Variants in CUX1 observed in about 807,000 individuals in gnomAD.
CUX1 encodes protein CASP.
Under a neutral mutation model 158.8 loss-of-function variants are expected in CUX1, and 31 were observed. That is an observed-to-expected ratio of 0.20 (90% CI 0.15 to 0.26). The LOEUF (loss-of-function observed/expected upper bound fraction) is 0.26, where lower values mean the gene tolerates loss of function less well. Ranked by LOEUF, CUX1 falls within the 10% of genes least tolerant of loss-of-function variation. CUX1 has a pLI of 1.00. For synonymous variants in CUX1, 879 were observed against 862.1 expected, an observed-to-expected ratio of 1.02 and a Z score of -0.34; for missense variants, 1,589 against 2,014.6, an observed-to-expected ratio of 0.79 and a Z score of 4.04.
At chr7:102,152,837 A>C (rs1357539215) in intron 8 of CUX1, among the ~76,000 whole-genome samples, 2 of 152,216 alleles carry the variant, frequency 1.3e-5, no homozygotes, top group Non-Finnish European at 2.9e-5. Context: ...CCTGGTATGG[A>C]ATAGGCCTGC....
chr7:102,215,539 T>G (rs1301503003), intron 20 of CUX1, among the ~76,000 whole-genome samples: 1 of 152,188 alleles, frequency 6.6e-6, no homozygotes, highest in Non-Finnish European at 1.5e-5. Flanking sequence ...TAAATTACTT[T>G]TACTGACTGT....
intron 1 of CUX1, among the ~76,000 whole-genome samples, chr7:101,888,376 A>G (rs1295769633): frequency 6.6e-6 from 1 of 152,166 alleles, no homozygotes; most frequent in African/African-American, 2.4e-5. Context: ...CTTGTACCTG[A>G]CACTGTGCTT....
chr7:102,139,244 TAAAAAAAAA>T (rs11459794), intron 8 of CUX1, among the ~76,000 whole-genome samples: 4 of 93,172 alleles, frequency 4.3e-5, no homozygotes, highest in Non-Finnish European at 8.2e-5. Flanking sequence ...GACTACATCT[TAAAAAAAAA>T]AAAAAAAAAA....
At chr7:102,106,454 C>A (rs966545079) in intron 6 of CUX1, among the ~76,000 whole-genome samples, 8 of 152,102 alleles carry the variant, frequency 5.3e-5, no homozygotes, top group Non-Finnish European at 8.8e-5. Flanking sequence ...GGCTTAGACA[C>A]TGGACCAAAT....
chr7:102,256,312 G>C lies in CUX1; in HGVS notation c.*7270G>C. ...GGTGATTATAAAAGGATGTTTCCTT[G>C]AGAAAAAAAAAATTATTTCTATCCT... On this transcript the variant is annotated 3_prime_UTR_variant, in exon 24 of 24. Transcript: ENST00000292535. The C allele has an allele frequency of 1.0e-6, 1 of 984,680 alleles. No homozygotes were observed. The highest frequency in any genetic ancestry group is 1.2e-6 in the Non-Finnish European group (1 of 829,662). The allele number at this position is 984,680 out of a possible 1,614,324, so 61.0% of individuals were successfully genotyped here.
chr7:102,207,861 T>C (rs1187839290), intron 20 of CUX1, among the ~76,000 whole-genome samples: 2 of 152,110 alleles, frequency 1.3e-5, no homozygotes, highest in Non-Finnish European at 2.9e-5. Context: ...TATCATATGG[T>C]TTTCCTCGTC....
chr7:101,897,632 G>T (rs918498448), intron 1 of CUX1, among the ~76,000 whole-genome samples: 1 of 152,154 alleles, frequency 6.6e-6, no homozygotes, highest in Admixed American at 6.5e-5. Context: ...GTATCACAGC[G>T]CAGGTCATGG....
At chr7:102,070,948 TTTTC>T (rs1191775521) in intron 4 of CUX1, among the ~76,000 whole-genome samples, 8 of 151,894 alleles carry the variant, frequency 5.3e-5, no homozygotes, top group East Asian at 1.9e-4. Flanking sequence ...TTTATTTTTT[TTTTC>T]TAATTTTATT....
At chr7:102,040,342 G>A (rs1314936214) in intron 3 of CUX1, among the ~76,000 whole-genome samples, 1 of 152,164 alleles carries the variant, frequency 6.6e-6, no homozygotes, top group Admixed American at 6.5e-5. Flanking sequence ...GGAAAGAGCA[G>A]CAGGAAGATG....
chr7:101,844,176 C>T lies in CUX1; in HGVS notation c.30+26507C>T, dbSNP rs562324647. Among the ~76,000 whole-genome samples, 7 of 149,784 alleles carry T rather than the reference C, an allele frequency of 4.7e-5. No homozygotes were observed. In the South Asian group the frequency reaches 1.5e-3, roughly 32 times the overall value. Reference sequence around the variant, plus strand: ...CTGTTGCTATTAACAAACACCGTCCCCCTCCCCGCCCCCGCCCCCGCCCCC... The same window carrying T: ...CTGTTGCTATTAACAAACACCGTCCTCCTCCCCGCCCCCGCCCCCGCCCCC... On this transcript the variant is annotated intron_variant, in intron 1 of 23. Transcript: ENST00000292535.
intron 19 of CUX1, among the ~76,000 whole-genome samples, chr7:102,280,477 C>T (rs1024789488): frequency 1.3e-5 from 2 of 152,190 alleles, no homozygotes; most frequent in Admixed American, 6.5e-5. Context: ...CTCCCAGAAT[C>T]GGGCGATCCA....
At chr7:102,209,930 A>G (rs999395532) in intron 20 of CUX1, among the ~76,000 whole-genome samples, 4 of 152,140 alleles carry the variant, frequency 2.6e-5, no homozygotes, top group Non-Finnish European at 5.9e-5. Context: ...TCTGTTGCCC[A>G]GGCTGGAGTG....
intron 1 of CUX1, among the ~76,000 whole-genome samples, chr7:101,895,902 GTTTTTGTTTTTT>G (rs1245569212): frequency 3.2e-4 from 13 of 40,466 alleles, no homozygotes; most frequent in East Asian, 2.0e-3. Flanking sequence ...TTTTTTTTTT[GTTTTTGTTTTTT>G]TTTTTTTTTT....
At chr7:102,163,864 G>A (rs1790725802) in intron 9 of CUX1, among the ~76,000 whole-genome samples, 1 of 152,210 alleles carries the variant, frequency 6.6e-6, no homozygotes, top group South Asian at 2.1e-4. Context: ...TTTTCCCTGG[G>A]TGTGTAGTTA....
At chr7:102,094,947 G>GT (rs1177885248) in intron 4 of CUX1, among the ~76,000 whole-genome samples, 3 of 151,822 alleles carry the variant, frequency 2.0e-5, no homozygotes, top group African/African-American at 4.8e-5. Flanking sequence ...CAGGAATTCT[G>GT]TTTTTTTGTG....
At chr7:102,027,452 A>C (rs1343084707) in intron 2 of CUX1, among the ~76,000 whole-genome samples, 2 of 152,140 alleles carry the variant, frequency 1.3e-5, no homozygotes, top group Admixed American at 6.6e-5. Context: ...CAAACCCCCC[A>C]TTCTAGTCTA....
chr7:101,882,968 A>G (rs10270083), intron 1 of CUX1, among the ~76,000 whole-genome samples: 130,975 of 152,112 alleles, frequency 0.86, 56,516 homozygotes, highest in East Asian at 0.99. Flanking sequence ...CGTGTTCCAG[A>G]GAGCTGCACC....
intron 3 of CUX1, among the ~76,000 whole-genome samples, chr7:102,058,292 A>G (rs956207909): frequency 2.0e-5 from 3 of 151,906 alleles, no homozygotes; most frequent in African/African-American, 7.3e-5. Flanking sequence ...TTTTTGTTCT[A>G]TTTTTGAGAC....
chr7:101,816,964 C>T (rs915459346), upstream of CUX1: 1 of 983,462 alleles, frequency 1.0e-6, no homozygotes, highest in African/African-American at 1.8e-5. Context: ...CGGGGCCACC[C>T]GCGCACCTCG....
Sources: gnomAD v4.1 joint callset for allele counts (sites outside exome capture counted in the v4.1 genomes callset) on GRCh38, gnomAD v4.1.1 for gene constraint, MANE v1.5 for transcripts, NCBI Gene and HGNC (gene_info 2026-07-23, HGNC 2026-07-21) for gene names.